Variants in TMEM132C observed in about 807,000 individuals in gnomAD.
TMEM132C encodes the protein transmembrane protein 132C, also known as protein phosphatase 1, regulatory subunit 152.
TMEM132C carries 29 observed loss-of-function variants against 61.4 expected under a neutral mutation model. That is an observed-to-expected ratio of 0.47 (90% CI 0.35 to 0.64). TMEM132C has a LOEUF of 0.64. TMEM132C is among the 30% of genes least tolerant of loss of function. The pLI is 0.00. For missense variants in TMEM132C, 1,408 were observed against 1,476.9 expected (o/e 0.95, Z 0.76); for synonymous variants, 656 against 633.1 (o/e 1.04, Z -0.54).
At chr12:128,341,193 G>A (rs756975196) in intron 1 of TMEM132C, among the ~76,000 whole-genome samples, 8 of 151,992 alleles carry the variant, frequency 5.3e-5, no homozygotes, top group Admixed American at 2.6e-4. Context: ...CAACCACCTC[G>A]GCCTCCCAAA....
At chr12:128,375,007 C>G (rs1178139525) in intron 1 of TMEM132C, among the ~76,000 whole-genome samples, 2 of 133,950 alleles carry the variant, frequency 1.5e-5, no homozygotes, top group Non-Finnish European at 3.1e-5. Flanking sequence ...CAGCACCATT[C>G]GCTCTTGGCC....
At chr12:128,447,657 A>G (rs577844617) in intron 2 of TMEM132C, among the ~76,000 whole-genome samples, 1 of 150,370 alleles carries the variant, frequency 6.7e-6, no homozygotes, top group Non-Finnish European at 1.5e-5. Context: ...ATAAGCGAGT[A>G]AGAGTCAGAG....
chr12:128,585,428 A>G lies in TMEM132C; in HGVS notation c.1122-30724A>G, dbSNP rs183413233. On this transcript the variant is annotated intron_variant, in intron 3 of 8. Transcript: ENST00000435159. Reference sequence around the variant, plus strand: ...AATGCCCAAAGGCTAAGACCCAACCATTCTTGCAGGAGTGTGTTCTGCAGT... The same window carrying G: ...AATGCCCAAAGGCTAAGACCCAACCGTTCTTGCAGGAGTGTGTTCTGCAGT... Among the ~76,000 whole-genome samples the G allele has an allele frequency of 1.7e-3, 263 of 152,108 alleles. 2 individuals carry two copies. The highest frequency in any genetic ancestry group is 0.012 in the South Asian group (59 of 4,810).
chr12:128,364,988 T>C (rs1236179209), intron 1 of TMEM132C, among the ~76,000 whole-genome samples: 1 of 152,212 alleles, frequency 6.6e-6, no homozygotes, highest in Non-Finnish European at 1.5e-5. Context: ...TCCCCAGTGC[T>C]TTTCCTGGAT....
chr12:128,429,471 C>G (rs1265578410), intron 2 of TMEM132C, among the ~76,000 whole-genome samples: 1 of 152,084 alleles, frequency 6.6e-6, no homozygotes, highest in Non-Finnish European at 1.5e-5. Flanking sequence ...ACGAATGTGC[C>G]CGGGAACATG....
At chr12:128,453,719 A>T (rs1430728064) in intron 2 of TMEM132C, among the ~76,000 whole-genome samples, 2 of 152,194 alleles carry the variant, frequency 1.3e-5, no homozygotes, top group Admixed American at 1.3e-4. Context: ...TATAGAAAAA[A>T]GTGGATGACT....
At position 128,605,652 on chromosome 12, in the gene TMEM132C, C is replaced by A. The variant is rs1876396897; in HGVS notation, c.1122-10500C>A. On this transcript the variant is annotated intron_variant, in intron 3 of 8. Transcript: ENST00000435159. ...ACACCCTCAGTGGCATCACGTCAAA[C>A]CACCTCCTGAGGCATCGGCTGAGGA... 1.3e-5 allele frequency among the ~76,000 whole-genome samples: 2 copies of A among 152,172 alleles called. 1 individual carries two copies. The highest frequency in any genetic ancestry group is 4.8e-5 in the African/African-American group (2 of 41,430).
rs1355878002 is a variant in TMEM132C, at chr12:128,414,808, C to T, written c.162C>T (p.His54=). The change falls in exon 2 of 9, where the codon CAC becomes CAT. Residue 54 remains histidine, a synonymous_variant. Transcript: ENST00000435159. ...CACCTTACCTACCTGTGAGCTACCA[C>T]ATCCTCAGAGCAGAGACCTCCTTCT... is the stretch of plus-strand genomic sequence containing the variant. The part of the protein sequence containing the change: ...SLPPYLPVSY[H]ILRAETSFFL... The T allele has an allele frequency of 3.9e-6, 6 of 1,543,402 alleles. No individual in the cohort carries two copies. Among genetic ancestry groups the T allele is most frequent in the Non-Finnish European group, 5.2e-6 (6 of 1,146,948 alleles).
chr12:128,391,465 TC>T (rs1191472586), intron 1 of TMEM132C, among the ~76,000 whole-genome samples: 6 of 152,268 alleles, frequency 3.9e-5, no homozygotes, highest in African/African-American at 1.4e-4. Flanking sequence ...CCATCAGCTT[TC>T]CCCGAGGACC....
chr12:128,515,599 C>T (rs760137433), intron 2 of TMEM132C, among the ~76,000 whole-genome samples: 7 of 152,040 alleles, frequency 4.6e-5, no homozygotes, highest in Non-Finnish European at 7.4e-5. Flanking sequence ...TTTGGGAGGC[C>T]GAGGCGGGTG....
intron 3 of TMEM132C, among the ~76,000 whole-genome samples, chr12:128,601,448 A>T (rs750372980): frequency 6.6e-6 from 1 of 152,228 alleles, no homozygotes; most frequent in Admixed American, 6.5e-5. Context: ...CCTTGCTGCC[A>T]TGGGACTCAT....
intron 4 of TMEM132C, among the ~76,000 whole-genome samples, chr12:128,656,257 G>T (rs1954324530): frequency 1.3e-5 from 2 of 152,102 alleles, no homozygotes; most frequent in South Asian, 4.2e-4. Flanking sequence ...CACCATGTTG[G>T]CCAGGCTGGT....
At chr12:128,484,254 C>G (rs7312495) in intron 2 of TMEM132C, among the ~76,000 whole-genome samples, 24,460 of 152,070 alleles carry the variant, frequency 0.16, 3,095 homozygotes, top group African/African-American at 0.35. Flanking sequence ...AAAGCAGTGA[C>G]AGGTTTTATC....
chr12:128,296,724 G>A (rs1871427086), intron 1 of TMEM132C, among the ~76,000 whole-genome samples: 1 of 152,226 alleles, frequency 6.6e-6, no homozygotes, highest in South Asian at 2.1e-4. Flanking sequence ...AGTGTCATGA[G>A]GAAGAAGATG....
intron 1 of TMEM132C, among the ~76,000 whole-genome samples, chr12:128,378,019 G>C (rs952630280): frequency 2.0e-5 from 3 of 152,166 alleles, no homozygotes; most frequent in Non-Finnish European, 4.4e-5. Context: ...CCTGGAGCAC[G>C]GAGCCAGGAA....
intron 3 of TMEM132C, among the ~76,000 whole-genome samples, chr12:128,610,033 A>G (rs1876578424): frequency 6.6e-6 from 1 of 152,238 alleles, no homozygotes; most frequent in Non-Finnish European, 1.5e-5. Context: ...TTGTGCCACC[A>G]AGGGATGTGC....
Position 128,534,574 on chromosome 12 carries a change from G to T in TMEM132C, c.975-9383G>T, listed in dbSNP as rs79957820. Among the ~76,000 whole-genome samples the T allele has an allele frequency of 3.3e-5, 5 of 152,180 alleles. No homozygotes were observed. The East Asian group carries it at 7.7e-4, about 23-fold the overall frequency. The stretch of plus-strand genomic sequence containing the variant: ...CCTCCATGCAGCCTGGCTGAGCGGG[G>T]TTGGCCTCACACTGCCACTGGCCAG... On this transcript the variant is annotated intron_variant, in intron 2 of 8. Coordinates refer to ENST00000435159, the MANE Select transcript of TMEM132C (RefSeq NM_001136103.3).
intron 3 of TMEM132C, among the ~76,000 whole-genome samples, chr12:128,597,775 A>T: frequency 6.6e-6 from 1 of 152,162 alleles, no homozygotes; most frequent in Non-Finnish European, 1.5e-5. Context: ...ACAGCCTAGC[A>T]ATGTGATAGT....
At chr12:128,579,671 C>T (rs1875257113) in intron 3 of TMEM132C, among the ~76,000 whole-genome samples, 1 of 152,150 alleles carries the variant, frequency 6.6e-6, no homozygotes, top group African/African-American at 2.4e-5. Flanking sequence ...GCCCACAGAG[C>T]CCACTTAGAG....
Sources: allele counts gnomAD v4.1 joint callset (sites outside exome capture counted in the v4.1 genomes callset), GRCh38; gene constraint gnomAD v4.1.1; transcripts MANE v1.5; gene names NCBI Gene and HGNC (gene_info 2026-07-23, HGNC 2026-07-21).